The following LRRC71 variants were observed in gnomAD, a reference collection of about 807,000 sequenced individuals.
The protein encoded by LRRC71 is leucine rich repeat containing 71.
A neutral mutation model predicts 66.6 loss-of-function variants in LRRC71; 54 were observed. That is an observed-to-expected ratio of 0.81 (90% confidence interval 0.65 to 1.02). The LOEUF is 1.02. LRRC71 is among the 50% of genes least tolerant of loss of function. The pLI, the probability that LRRC71 is intolerant of heterozygous loss-of-function variation, is 0.00. For synonymous variants in LRRC71, 323 were observed against 303.9 expected (o/e 1.06, Z -0.65); for missense variants, 724 against 718.0 (o/e 1.01, Z -0.10).
downstream of LRRC71, among the ~76,000 whole-genome samples, chr1:156,934,575 A>T (rs898648542): frequency 1.3e-5 from 2 of 152,038 alleles, no homozygotes; most frequent in Non-Finnish European, 2.9e-5. Context: ...GTGTGTATAT[A>T]TATGTATCTA....
intron 13 of LRRC71, 30 bp from the exon 14 acceptor site, chr1:156,932,394 A>G: frequency 6.3e-7 from 1 of 1,588,802 alleles, no homozygotes. Flanking sequence ...CTGTGGTGCT[A>G]AGAGGCCACC....
intron 9 of LRRC71, among the ~76,000 whole-genome samples, chr1:156,928,640 G>A (rs1332962768): frequency 7.2e-6 from 1 of 139,242 alleles, no homozygotes; most frequent in Non-Finnish European, 1.5e-5. Flanking sequence ...GTGTGATCTC[G>A]GTTCACTGCA....
chr1:156,937,316 G>A (rs773257128), downstream of LRRC71: 1 of 1,613,984 alleles, frequency 6.2e-7, no homozygotes, highest in Non-Finnish European at 8.5e-7. Flanking sequence ...GTCCCTGAGG[G>A]CCAGGCTTGG....
chr1:156,940,188 A>G, the LRRC71 span: 1 of 1,550,184 alleles, frequency 6.5e-7, no homozygotes, highest in Non-Finnish European at 8.7e-7. Context: ...GGCTGACGGC[A>G]GGGCCTTGAA....
chr1:156,936,467 T>A (rs1571101384), downstream of LRRC71, among the ~76,000 whole-genome samples: 1 of 103,744 alleles, frequency 9.6e-6, no homozygotes, highest in Non-Finnish European at 1.8e-5. Flanking sequence ...CCAGCCCTTG[T>A]CTCAAATAAA....
intron 14 of LRRC71, 120 bp downstream of exon 14, chr1:156,932,665 GCTT>G (rs770867380): frequency 8.7e-6 from 14 of 1,603,762 alleles, no homozygotes; most frequent in African/African-American, 1.3e-5. Flanking sequence ...TAGTTTCTCT[GCTT>G]CTTTTTAATA....
Position 156,930,558 on chromosome 1 carries a change from A to G in LRRC71, c.1270A>G (p.Arg424Gly). The G allele has an allele frequency of 6.4e-7, 1 of 1,568,520 alleles. No homozygotes were observed. Among genetic ancestry groups the G allele is most frequent in the Non-Finnish European group, 8.6e-7 (1 of 1,156,600 alleles). Residue 424 changes from arginine to glycine, a missense_variant, in exon 12 of 15, where the codon AGG becomes GGG. Transcript: ENST00000337428. ...KVTIPEQKPS[R>G]AKGIKIGSRE... ...AACCATCCCTGAACAGAAGCCAAGC[A>G]GGGCAAAAGGGATCAAGATCGGGAG...
At chr1:156,940,304 A>C in the LRRC71 span, 2 of 1,613,774 alleles carry the variant, frequency 1.2e-6, no homozygotes, top group Non-Finnish European at 1.7e-6. Flanking sequence ...TGTTCTCTCC[A>C]TCCAGGGATG....
the LRRC71 span, chr1:156,940,007 C>A: frequency 6.5e-7 from 1 of 1,542,424 alleles, no homozygotes. Context: ...GTGGTGACCT[C>A]AGGCACAGGT....
At position 156,932,020 on chromosome 1, in the gene LRRC71, C is replaced by T. The variant is rs1252770773; in HGVS notation, c.1434C>T (p.Asn478=). The part of the protein sequence containing the change: ...MPGNKVLLHL[N]LIRNRITEVG... The stretch of plus-strand genomic sequence containing the variant: ...GGAACAAGGTCCTTTTGCACCTCAA[C>T]CTCATCCGTATGTCTGCCAACCTCC... Residue 478 remains asparagine (N), a synonymous_variant, in exon 13 of 15, where the codon AAC becomes AAT. Coordinates refer to ENST00000337428, the MANE Select transcript of LRRC71 (RefSeq NM_144702.3). 6.3e-7 allele frequency: 1 copy of T among 1,590,300 alleles called. No individual in the cohort carries two copies. Among genetic ancestry groups the T allele is most frequent in the East Asian group, 2.3e-5 (1 of 44,046 alleles).
At chr1:156,938,060 A>G (rs1317562924), downstream of LRRC71, among the ~76,000 whole-genome samples, 1 of 152,216 alleles carries the variant, frequency 6.6e-6, no homozygotes, top group East Asian at 1.9e-4. Flanking sequence ...GCCGATTTCC[A>G]CAGTGACACT....
the LRRC71 span, chr1:156,938,437 T>A: frequency 6.2e-7 from 1 of 1,613,824 alleles, no homozygotes; most frequent in Non-Finnish European, 8.5e-7. Flanking sequence ...TTGTTCCGCC[T>A]TCCACTTCAG....
At chr1:156,928,126 T>G in intron 9 of LRRC71, 122 bp downstream of exon 9, 1 of 953,880 alleles carries the variant, frequency 1.0e-6, no homozygotes, top group Non-Finnish European at 1.6e-6. Context: ...CTGTCCTGAC[T>G]GTCTTTCCCT....
chr1:156,922,004 G>C (rs1305861952), intron 1 of LRRC71, among the ~76,000 whole-genome samples: 2 of 152,142 alleles, frequency 1.3e-5, no homozygotes, highest in African/African-American at 4.8e-5. Flanking sequence ...CTTCTGGACT[G>C]GGCACTGGGT....
the LRRC71 span, chr1:156,939,529 A>T: frequency 6.2e-7 from 1 of 1,607,054 alleles, no homozygotes. Flanking sequence ...TCCCCACTGG[A>T]CACTCCCATT....
At chr1:156,936,497 A>AAAAAAAAAATATATAT (rs370282821), downstream of LRRC71, among the ~76,000 whole-genome samples, 1 of 33,916 alleles carries the variant, frequency 2.9e-5, no homozygotes, top group African/African-American at 1.5e-4. Flanking sequence ...AAAAAAAAAA[A>AAAAAAAAAATATATAT]ATATATATAT....
At position 156,927,524 on chromosome 1, in the gene LRRC71, A is replaced by G; in HGVS notation, c.691A>G (p.Asn231Asp). The G allele has an allele frequency of 6.5e-7, 1 of 1,546,856 alleles. No homozygotes were observed. The highest frequency in any genetic ancestry group is 8.7e-7 in the Non-Finnish European group (1 of 1,147,892). The change falls in exon 7 of 15, where the codon AAC becomes GAC. Residue 231 changes from asparagine (N) to aspartate (D), a missense_variant. Asn to Asp is a conservative substitution (Grantham distance 23). Transcript: ENST00000337428. ...TIAHLSLRNN[N>D]IDDRGAQLLG... ...TGCGCACTTGTCTCTGCGGAACAATAACATCGACGACCGCGGGGCGCAACT... is the reference window on the plus strand; with the variant it reads ...TGCGCACTTGTCTCTGCGGAACAATGACATCGACGACCGCGGGGCGCAACT...
intron 5 of LRRC71, among the ~76,000 whole-genome samples, chr1:156,925,519 AAGAC>A (rs1653059582): frequency 6.6e-6 from 1 of 152,230 alleles, no homozygotes; most frequent in Non-Finnish European, 1.5e-5. Context: ...GTGAGGCAGG[AAGAC>A]CTGGAAGACT....
chr1:156,939,428 C>A, the LRRC71 span: 5 of 1,409,968 alleles, frequency 3.5e-6, no homozygotes, highest in Non-Finnish European at 4.9e-6. Context: ...CAGGACCCAG[C>A]GTAGGTCTCT....
Sources: gnomAD v4.1 joint callset for allele counts (sites outside exome capture counted in the v4.1 genomes callset) on GRCh38, gnomAD v4.1.1 for gene constraint, MANE v1.5 for transcripts, NCBI Gene and HGNC (gene_info 2026-07-23, HGNC 2026-07-21) for gene names.